The following GRIK1 variants were observed in gnomAD, a reference collection of about 807,000 sequenced individuals.
The protein encoded by GRIK1 is glutamate receptor ionotropic, kainate 1.
Under a neutral mutation model 105.7 loss-of-function variants are expected in GRIK1, and 69 were observed. The observed-to-expected ratio is 0.65, with a 90% CI of 0.54 to 0.80. The LOEUF (loss-of-function observed/expected upper bound fraction) is 0.80. Among genes scored for constraint, GRIK1 ranks in the 30% least tolerant of loss-of-function variants. The probability of loss-of-function intolerance (pLI) is 0.00; values close to 1 mark genes in which losing one functional copy is unlikely to be tolerated. For synonymous variants in GRIK1, 438 were observed against 431.3 expected, an observed-to-expected ratio of 1.02 and a Z score of -0.19; for missense variants, 1,109 against 1,167.3, an observed-to-expected ratio of 0.95 and a Z score of 0.73.
intron 1 of GRIK1, among the ~76,000 whole-genome samples, chr21:29,766,719 T>C (rs2065676508): frequency 6.6e-6 from 1 of 152,178 alleles, no homozygotes; most frequent in Admixed American, 6.5e-5. Flanking sequence ...TCAGAGGGAC[T>C]TCTCTGAAAA....
intron 1 of GRIK1, among the ~76,000 whole-genome samples, chr21:29,904,666 T>C (rs893355640): frequency 2.6e-5 from 4 of 152,206 alleles, no homozygotes; most frequent in Admixed American, 6.5e-5. Context: ...TTGAAACATG[T>C]ACTTGTGCAG....
intron 7 of GRIK1, among the ~76,000 whole-genome samples, chr21:29,629,949 C>A (rs986865995): frequency 3.9e-5 from 6 of 151,988 alleles, no homozygotes; most frequent in Non-Finnish European, 7.4e-5. Flanking sequence ...TGTTGGACAC[C>A]GTGGATTTGC....
rs184920207 is a variant in GRIK1 at position 29,908,752 on chromosome 21, C to A, written c.118+30631G>T. On this transcript the variant is annotated intron_variant, in intron 1 of 17. Transcript: ENST00000327783. Reference sequence around the variant, plus strand: ...CACCCATTTATTTAATAGAGATAAACAATTACAACTCGATTTTTCCATTAC... The same window carrying A: ...CACCCATTTATTTAATAGAGATAAAAAATTACAACTCGATTTTTCCATTAC... Among the ~76,000 whole-genome samples, 810 of 152,216 alleles carry A rather than the reference C, an allele frequency of 5.3e-3. 6 individuals carry two copies. Among genetic ancestry groups the A allele is most frequent in the African/African-American group, 0.016 (659 of 41,548 alleles).
At chr21:29,784,183 G>A (rs1432259549) in intron 1 of GRIK1, among the ~76,000 whole-genome samples, 1 of 152,148 alleles carries the variant, frequency 6.6e-6, no homozygotes, top group Non-Finnish European at 1.5e-5. Flanking sequence ...AGCTTTTTCA[G>A]TTGTTCCATA....
intron 1 of GRIK1, among the ~76,000 whole-genome samples, chr21:29,779,044 G>T (rs1258089673): frequency 6.6e-6 from 1 of 152,212 alleles, no homozygotes; most frequent in Non-Finnish European, 1.5e-5. Flanking sequence ...TTTGGTCTGA[G>T]TACATGGTGA....
At chr21:29,933,156 A>C (rs2071632520) in intron 1 of GRIK1, among the ~76,000 whole-genome samples, 1 of 152,210 alleles carries the variant, frequency 6.6e-6, no homozygotes, top group South Asian at 2.1e-4. Flanking sequence ...TTTTATGTTA[A>C]GTTCCGGGTA....
At chr21:29,894,322 A>T (rs777403859) in intron 1 of GRIK1, among the ~76,000 whole-genome samples, 1 of 152,136 alleles carries the variant, frequency 6.6e-6, no homozygotes, top group Non-Finnish European at 1.5e-5. Flanking sequence ...TACAGCCTTC[A>T]ATCTGTAGTC....
chr21:29,864,307 T>C (rs1216471744), intron 1 of GRIK1, among the ~76,000 whole-genome samples: 3 of 152,148 alleles, frequency 2.0e-5, no homozygotes, highest in Non-Finnish European at 2.9e-5. Context: ...GTTATTCTGC[T>C]TTACAAGCAT....
intron 6 of GRIK1, among the ~76,000 whole-genome samples, 180 bp downstream of exon 6, chr21:29,650,938 G>A (rs2062722296): frequency 6.6e-6 from 1 of 152,180 alleles, no homozygotes; most frequent in Non-Finnish European, 1.5e-5. Context: ...AAAAGTAGCA[G>A]TTTTTGCTAG....
intron 14 of GRIK1, among the ~76,000 whole-genome samples, chr21:29,564,157 A>T (rs529043423): frequency 1.8e-3 from 276 of 151,510 alleles, no homozygotes; most frequent in Middle Eastern, 6.8e-3. Flanking sequence ...TTATTTATTT[A>T]TTTTTTTTGA....
At chr21:29,679,523 A>C (rs1363861301) in intron 3 of GRIK1, among the ~76,000 whole-genome samples, 1 of 152,196 alleles carries the variant, frequency 6.6e-6, no homozygotes, top group Non-Finnish European at 1.5e-5. Flanking sequence ...TCAGGTATTA[A>C]CTGCCTGTTC....
chr21:29,860,825 C>T (rs921038845), intron 1 of GRIK1, among the ~76,000 whole-genome samples: 3 of 152,074 alleles, frequency 2.0e-5, no homozygotes, highest in African/African-American at 7.2e-5. Flanking sequence ...GGCTTTTGAA[C>T]ATTTGAAAGA....
intron 9 of GRIK1, among the ~76,000 whole-genome samples, chr21:29,594,123 T>C (rs1167351254): frequency 6.6e-6 from 1 of 152,158 alleles, no homozygotes; most frequent in African/African-American, 2.4e-5. Flanking sequence ...GTACAGTATA[T>C]ATATGCTGAG....
chr21:29,886,472 A>T (rs1020617751), intron 1 of GRIK1, among the ~76,000 whole-genome samples: 2 of 152,146 alleles, frequency 1.3e-5, no homozygotes, highest in African/African-American at 4.8e-5. Flanking sequence ...TCAGGAAGAA[A>T]AGCATTCCAA....
chr21:29,738,705 T>C (rs2064855550), intron 1 of GRIK1, among the ~76,000 whole-genome samples: 1 of 152,228 alleles, frequency 6.6e-6, no homozygotes, highest in Non-Finnish European at 1.5e-5. Flanking sequence ...ACAAGGTGAT[T>C]ATTTTTAATG....
At chr21:29,848,257 C>T (rs2068189174) in intron 1 of GRIK1, among the ~76,000 whole-genome samples, 1 of 152,130 alleles carries the variant, frequency 6.6e-6, no homozygotes, top group Non-Finnish European at 1.5e-5. Flanking sequence ...ACAATGCATG[C>T]TTCTGCTAAA....
chr21:29,638,507 G>A (rs936780200), intron 7 of GRIK1, among the ~76,000 whole-genome samples: 2 of 152,114 alleles, frequency 1.3e-5, no homozygotes, highest in African/African-American at 2.4e-5. Flanking sequence ...TGTACAAAGA[G>A]GTGGCAAAAT....
intron 1 of GRIK1, among the ~76,000 whole-genome samples, chr21:29,830,594 T>C (rs2067604630): frequency 6.6e-6 from 1 of 152,152 alleles, no homozygotes; most frequent in African/African-American, 2.4e-5. Flanking sequence ...CAGAGTCTTA[T>C]AACCACAGCA....
intron 1 of GRIK1, among the ~76,000 whole-genome samples, chr21:29,924,559 T>C (rs1044855812): frequency 6.6e-6 from 1 of 152,146 alleles, no homozygotes; most frequent in Non-Finnish European, 1.5e-5. Context: ...TGCTCCTATA[T>C]GAGGTCAATG....
Sources: gnomAD v4.1 joint callset for allele counts (sites outside exome capture counted in the v4.1 genomes callset) on GRCh38, gnomAD v4.1.1 for gene constraint, MANE v1.5 for transcripts, NCBI Gene and HGNC (gene_info 2026-07-23, HGNC 2026-07-21) for gene names.